Variants in TSC1 observed in about 807,000 individuals in gnomAD.
TSC1 encodes TSC complex subunit 1, also known as hamartin.
Under a neutral mutation model 124.3 loss-of-function variants are expected in TSC1, and 20 were observed. The observed-to-expected ratio is 0.16, with a 90% CI of 0.11 to 0.23. The LOEUF (loss-of-function observed/expected upper bound fraction) is 0.23, where lower values mean the gene tolerates loss of function less well. TSC1 is among the 10% of genes least tolerant of loss of function. The pLI is 1.00. For missense variants in TSC1, 1,124 were observed against 1,448.5 expected (o/e 0.78, Z 3.64); for synonymous variants, 493 against 539.1 (o/e 0.91, Z 1.19).
In TSC1 at chr9:132,902,562, C is replaced by T. The variant is rs376532449; in HGVS notation, c.2391+43G>A. On this transcript the variant is annotated intron_variant, in intron 18 of 22. Transcript: ENST00000298552. This position sits in a 1 kb window ranked among gnomAD's most constrained non-coding sequence, Gnocchi z 5.2. ...GACTGCCTCCCTCCCCACTGCTCTC[C>T]GGCATTCTCGCAGTTGGCTTTGCCT... is the stretch of plus-strand genomic sequence containing the variant. 1.5e-5 allele frequency: 24 copies of T among 1,611,422 alleles called. No individual in the cohort carries two copies. Among genetic ancestry groups the T allele is most frequent in the East Asian group, 2.2e-5 (1 of 44,888 alleles).
At chr9:132,944,639 G>A (rs45522535), upstream of TSC1, 9 of 398,804 alleles carry the variant, frequency 2.3e-5, no homozygotes, top group South Asian at 1.3e-4. Context: ...GTCGTGAAAG[G>A]GCCAAGGCCG....
rs1845014968 is a variant in TSC1, at chr9:132,896,068, A to G, written c.*167T>C. ...AGGTCAAGAGGCATTTCAATGCCAG[A>G]TCCAAAAACCGTTCTGCATTCAGTC... is the stretch of plus-strand genomic sequence containing the variant. On this transcript the variant is annotated 3_prime_UTR_variant, in exon 23 of 23. Coordinates refer to ENST00000298552, the MANE Select transcript of TSC1 (RefSeq NM_000368.5). The surrounding 1 kb of genome is among the most constrained non-coding windows in gnomAD (Gnocchi z 4.5). 1.0e-6 allele frequency: 1 copy of G among 1,001,082 alleles called. No individual in the cohort carries two copies. The highest frequency in any genetic ancestry group is 1.5e-6 in the Non-Finnish European group (1 of 652,882). 62.0% of individuals were successfully genotyped at this position (1,001,082 alleles called of 1,614,324 possible). A position where few individuals can be genotyped will look rare whatever the true frequency, so the allele number is the denominator to read the frequency against.
intron 1 of TSC1, among the ~76,000 whole-genome samples, chr9:132,943,064 T>G (rs1847823467): frequency 6.6e-6 from 1 of 152,240 alleles, no homozygotes; most frequent in Non-Finnish European, 1.5e-5. Context: ...GGTTTTATAA[T>G]GCTTCCTGAA....
At position 132,937,523 on chromosome 9, in the gene TSC1, G is replaced by A. The variant is rs187166677; in HGVS notation, c.-143-2428C>T. Reference sequence around the variant, plus strand: ...TCTTAAAATAAGCAGTTAGTCCAGTGAGTCATATAGACTTCCTCTTGCGAC... The same window carrying A: ...TCTTAAAATAAGCAGTTAGTCCAGTAAGTCATATAGACTTCCTCTTGCGAC... On this transcript the variant is annotated intron_variant, in intron 1 of 22. Coordinates refer to ENST00000298552, the MANE Select transcript of TSC1 (RefSeq NM_000368.5). Among the ~76,000 whole-genome samples the A allele has an allele frequency of 8.5e-5, 13 of 152,342 alleles. No individual in the cohort carries two copies. The East Asian group carries it at 2.3e-3, about 27-fold the overall frequency.
In TSC1 at chr9:132,910,582, G is replaced by A. The variant is rs1845895299; in HGVS notation, c.1252C>T (p.Pro418Ser). Residue 418 changes from proline to serine, a missense_variant, in exon 12 of 23, where the codon CCC becomes TCC. This residue lies in a region of TSC1 where 463 missense variants were observed against 606.8 expected (regional missense o/e 0.76). Coordinates refer to ENST00000298552, the MANE Select transcript of TSC1 (RefSeq NM_000368.5). ...HISLPQATVT[P>S]PRKEERMDSA... ...GAGCTGGATCGCACCTTCCTGGGGG[G>A]TGTGACTGTGGCCTGGGGGAGTGAA... 6.2e-7 allele frequency: 1 copy of A among 1,614,074 alleles called. No individual in the cohort carries two copies. The highest frequency in any genetic ancestry group is 8.5e-7 in the Non-Finnish European group (1 of 1,180,044).
At chr9:132,899,778 T>C (rs1337844467) in intron 20 of TSC1, 1 of 152,202 alleles carries the variant, frequency 6.6e-6, no homozygotes, top group Admixed American at 6.5e-5. Context: ...CAAGGACTCC[T>C]TGGAGGCCGC....
intron 1 of TSC1, chr9:132,942,370 A>C (rs953755431): frequency 3.9e-5 from 6 of 152,268 alleles, no homozygotes; most frequent in African/African-American, 1.2e-4. Context: ...ATATCTGTAC[A>C]TCAAGGTTCT....
In TSC1 at chr9:132,903,636, C is replaced by A; in HGVS notation, c.2208+15G>T. The A allele has an allele frequency of 6.2e-7, 1 of 1,612,036 alleles. No individual in the cohort carries two copies. Among genetic ancestry groups the A allele is most frequent in the South Asian group, 1.1e-5 (1 of 90,986 alleles). On this transcript the variant is annotated intron_variant, in intron 17 of 22. Transcript: ENST00000298552. This position sits in a 1 kb window ranked among gnomAD's most constrained non-coding sequence, Gnocchi z 5.9. ...ACAAAAAGCAAGCTCCACCTGTCCC[C>A]TCCCCAGTCCTCACCATGGCAGCAT...
chr9:132,896,675 T>C lies in TSC1; in HGVS notation c.3055A>G (p.Lys1019Glu), dbSNP rs1317622700. ...EEASGHNGET[K>E]TPRPSSARGS... Reference sequence around the variant, plus strand: ...CGGGCGCTGCTGGGCCTGGGGGTCTTGGTCTCACCGTTGTGGCCAGATGCC... The same window carrying C: ...CGGGCGCTGCTGGGCCTGGGGGTCTCGGTCTCACCGTTGTGGCCAGATGCC... Residue 1019 changes from lysine (K) to glutamate (E), a missense_variant, in exon 23 of 23, where the codon AAG becomes GAG. This residue lies in a region of TSC1 where 325 missense variants were observed against 383.4 expected (regional missense o/e 0.85). Transcript: ENST00000298552. The surrounding 1 kb of genome is among the most constrained non-coding windows in gnomAD (Gnocchi z 4.5). The C allele has an allele frequency of 1.9e-6, 3 of 1,614,110 alleles. No homozygotes were observed. Among genetic ancestry groups the C allele is most frequent in the South Asian group, 1.1e-5 (1 of 91,078 alleles).
chr9:132,940,796 G>T (rs771767476), intron 1 of TSC1: 1 of 152,132 alleles, frequency 6.6e-6, no homozygotes, highest in Non-Finnish European at 1.5e-5. Flanking sequence ...GGATTGCTGG[G>T]TACATAATGC....
intron 8 of TSC1, among the ~76,000 whole-genome samples, chr9:132,918,879 A>C (rs1202268606): frequency 2.0e-5 from 3 of 152,396 alleles, no homozygotes; most frequent in Middle Eastern, 3.4e-3. Flanking sequence ...AGAAGGCCTC[A>C]AAGATTTAAA....
chr9:132,916,107 A>C (rs565624195), intron 8 of TSC1, among the ~76,000 whole-genome samples: 1 of 152,198 alleles, frequency 6.6e-6, no homozygotes, highest in Non-Finnish European at 1.5e-5. Flanking sequence ...TCTTAAAAGG[A>C]CTTTTCATAT....
At position 132,894,265 on chromosome 9, in the gene TSC1, C is replaced by T. The variant is rs886063603; in HGVS notation, c.*1970G>A. The T allele has an allele frequency of 8.6e-6, 2 of 231,544 alleles. No homozygotes were observed. Among genetic ancestry groups the T allele is most frequent in the Admixed American group, 5.6e-5 (1 of 17,700 alleles). 14.3% of individuals were successfully genotyped at this position (231,544 alleles called of 1,614,324 possible). ...CTTGGGCCTCTTTTCCTTTCCAATT[C>T]AGGAAAAGGCTTTAAGTGCCTGGTA... On this transcript the variant is annotated 3_prime_UTR_variant, in exon 23 of 23. Transcript: ENST00000298552.
In TSC1 at chr9:132,896,857, C is replaced by A; in HGVS notation, c.2976-103G>T. ...ACTCACTCACACTGACACTGAACTC[C>A]GCTAGCCCACTCTCTGTTTTATAAT... On this transcript the variant is annotated intron_variant, in intron 22 of 22. Coordinates refer to ENST00000298552, the MANE Select transcript of TSC1 (RefSeq NM_000368.5). This position sits in a 1 kb window ranked among gnomAD's most constrained non-coding sequence, Gnocchi z 4.5. The A allele has an allele frequency of 6.5e-7, 1 of 1,542,310 alleles. No individual in the cohort carries two copies. Among genetic ancestry groups the A allele is most frequent in the Non-Finnish European group, 8.9e-7 (1 of 1,117,484 alleles).
In TSC1 at chr9:132,893,590, G is replaced by C. The variant is rs778965195; in HGVS notation, c.*2645C>G. 4.3e-6 allele frequency: 1 copy of C among 233,066 alleles called. No individual in the cohort carries two copies. Among genetic ancestry groups the C allele is most frequent in the Non-Finnish European group, 8.5e-6 (1 of 118,008 alleles). The allele number at this position is 233,066 out of a possible 1,614,324, so 14.4% of individuals were successfully genotyped here. A position where few individuals can be genotyped will look rare whatever the true frequency, so the allele number is the denominator to read the frequency against. ...CATGCTGCACAGCAGCAGACTTCGGGCTCCTCGGGGCCTGTGCTGACTCTG... is the reference window on the plus strand; with the variant it reads ...CATGCTGCACAGCAGCAGACTTCGGCCTCCTCGGGGCCTGTGCTGACTCTG... On this transcript the variant is annotated 3_prime_UTR_variant, in exon 23 of 23. Transcript: ENST00000298552.
At chr9:132,935,870 A>G (rs138389367) in intron 1 of TSC1, among the ~76,000 whole-genome samples, 1 of 152,210 alleles carries the variant, frequency 6.6e-6, no homozygotes, top group Non-Finnish European at 1.5e-5. Flanking sequence ...CTAGGCCTCT[A>G]CTTGCCTCCC....
chr9:132,908,296 C>T (rs932303294), intron 12 of TSC1, among the ~76,000 whole-genome samples: 2 of 152,144 alleles, frequency 1.3e-5, no homozygotes, highest in Non-Finnish European at 2.9e-5. Context: ...AAGAATGGAA[C>T]ATTTTTGCCA....
Position 132,891,512 on chromosome 9 carries a change from G to A in TSC1, c.*4723C>T, listed in dbSNP as rs1307167785. The A allele has an allele frequency of 1.7e-5, 4 of 233,318 alleles. No homozygotes were observed. In the East Asian group the frequency reaches 2.4e-4, roughly 14 times the overall value. 14.5% of individuals were successfully genotyped at this position (233,318 alleles called of 1,614,324 possible). A position where few individuals can be genotyped will look rare whatever the true frequency, so the allele number is the denominator to read the frequency against. On this transcript the variant is annotated 3_prime_UTR_variant, in exon 23 of 23. Coordinates refer to ENST00000298552, the MANE Select transcript of TSC1 (RefSeq NM_000368.5). ...AGTTCATATTTATGGCATCTGATGT[G>A]GATTGTTGACATGCTTTTAGGATTG...
rs769282604 is a variant in TSC1 at position 132,928,804 on chromosome 9, G to A, written c.69C>T (p.Asp23=). 21 of 1,614,040 alleles carry A rather than the reference G, an allele frequency of 1.3e-5. No homozygotes were observed. In the East Asian group the frequency reaches 1.6e-4, roughly 12 times the overall value. The change falls in exon 3 of 23, where the codon GAC becomes GAT. Residue 23 remains aspartate, a synonymous_variant. Transcript: ENST00000298552. ...TCTCTTTAAAGACAGCTGTCACGTC[G>A]TCCCGCACACCCAGCATGGGGGAGT... The part of the protein sequence containing the change: ...MLDSPMLGVR[D]DVTAVFKENL...
Sources: allele counts gnomAD v4.1 joint callset (sites outside exome capture counted in the v4.1 genomes callset), GRCh38; gene constraint gnomAD v4.1.1; regional missense constraint gnomAD v4.1.1; non-coding constraint Gnocchi (gnomAD v3.1); transcripts MANE v1.5; gene names NCBI Gene and HGNC (gene_info 2026-07-23, HGNC 2026-07-21).